Variants in KIAA1217 observed in about 807,000 individuals in gnomAD.
KIAA1217 encodes KIAA1217, also known as sickle tail protein homolog.
A neutral mutation model predicts 163.9 loss-of-function variants in KIAA1217; 88 were observed. The ratio of observed to expected loss-of-function variants is 0.54; its 90% CI spans 0.45 to 0.64. The LOEUF (loss-of-function observed/expected upper bound fraction) is 0.64, where lower values mean the gene tolerates loss of function less well. KIAA1217 is among the 30% of genes least tolerant of loss of function. The pLI is 0.00. For synonymous variants in KIAA1217, 903 were observed against 923.1 expected (o/e 0.98, Z 0.39); for missense variants, 2,372 against 2,475.0 (o/e 0.96, Z 0.88).
At chr10:24,249,047 C>T (rs984349086) in intron 2 of KIAA1217, among the ~76,000 whole-genome samples, 3 of 152,322 alleles carry the variant, frequency 2.0e-5, no homozygotes, top group Non-Finnish European at 2.9e-5. Context: ...ATTAAAACCA[C>T]GAGTGTAGTG....
At chr10:23,988,931 A>C (rs1376856265) in intron 1 of KIAA1217, among the ~76,000 whole-genome samples, 4 of 152,252 alleles carry the variant, frequency 2.6e-5, no homozygotes, top group African/African-American at 9.6e-5. Flanking sequence ...TTTACACAGA[A>C]ATTCTTGGCA....
chr10:24,266,172 G>A (rs111380453), intron 2 of KIAA1217, among the ~76,000 whole-genome samples: 1 of 151,222 alleles, frequency 6.6e-6, no homozygotes. Flanking sequence ...TCTGCCTCCC[G>A]GGTTCAAGCA....
At position 24,097,041 on chromosome 10, in the gene KIAA1217, T is replaced by C. The variant is rs371455701; in HGVS notation, c.-171+89667T>C. Among the ~76,000 whole-genome samples the C allele has an allele frequency of 1.3e-4, 20 of 152,136 alleles. No homozygotes were observed. The East Asian group carries it at 1.7e-3, about 13-fold the overall frequency. The stretch of plus-strand genomic sequence containing the variant: ...AGGTAACGGTGGGCCATTGAAGGCA[T>C]TCGTGCATGGAAAGACACTGGGGAT... On this transcript the variant is annotated intron_variant, in intron 2 of 18. Transcript: ENST00000376462.
chr10:24,104,024 A>G (rs1210756951), intron 2 of KIAA1217, among the ~76,000 whole-genome samples: 4 of 152,124 alleles, frequency 2.6e-5, no homozygotes, highest in African/African-American at 9.7e-5. Flanking sequence ...TGTAGTTCCC[A>G]TAATCCCCAC....
At chr10:24,169,196 A>C (rs539609133) in intron 2 of KIAA1217, among the ~76,000 whole-genome samples, 4 of 152,384 alleles carry the variant, frequency 2.6e-5, no homozygotes, top group African/African-American at 9.6e-5. Flanking sequence ...TGCCTGGAGC[A>C]TTAAAGCTCA....
intron 6 of KIAA1217, among the ~76,000 whole-genome samples, chr10:24,484,644 C>G (rs117662113): frequency 3.3e-5 from 5 of 152,010 alleles, no homozygotes; most frequent in Non-Finnish European, 7.4e-5. Context: ...ACTGCAGCCT[C>G]GAACTCCTGG....
chr10:23,791,026 T>C (rs1835921968), intron 1 of KIAA1217, among the ~76,000 whole-genome samples: 1 of 152,094 alleles, frequency 6.6e-6, no homozygotes, highest in African/African-American at 2.4e-5. Context: ...TGAATAACCA[T>C]ACCAGGCCAA....
At chr10:23,978,342 T>A (rs1474574140) in intron 1 of KIAA1217, among the ~76,000 whole-genome samples, 1 of 152,134 alleles carries the variant, frequency 6.6e-6, no homozygotes, top group Non-Finnish European at 1.5e-5. Flanking sequence ...AGTTCCCAGG[T>A]TTATTGGTGA....
chr10:24,128,378 T>A (rs1293591587), intron 2 of KIAA1217, among the ~76,000 whole-genome samples: 1 of 152,184 alleles, frequency 6.6e-6, no homozygotes. Context: ...GTAACTTGCT[T>A]TAAAAATAAT....
chr10:23,838,708 A>T (rs979914789), intron 1 of KIAA1217, among the ~76,000 whole-genome samples: 2 of 151,966 alleles, frequency 1.3e-5, no homozygotes, highest in African/African-American at 4.8e-5. Flanking sequence ...TGATCCACCC[A>T]CCTGAGCCTC....
intron 2 of KIAA1217, among the ~76,000 whole-genome samples, chr10:24,278,714 A>G (rs544949869): frequency 2.6e-5 from 4 of 152,352 alleles, no homozygotes; most frequent in Admixed American, 2.0e-4. Context: ...TGTTACCACT[A>G]GCGTGCTCTA....
At chr10:23,986,064 C>T (rs1311004525) in intron 1 of KIAA1217, among the ~76,000 whole-genome samples, 1 of 152,098 alleles carries the variant, frequency 6.6e-6, no homozygotes, top group East Asian at 1.9e-4. Flanking sequence ...TATTGTTATC[C>T]CCAAAGCCTT....
chr10:24,161,008 G>T (rs2065093553), intron 2 of KIAA1217, among the ~76,000 whole-genome samples: 1 of 152,146 alleles, frequency 6.6e-6, no homozygotes, highest in Non-Finnish European at 1.5e-5. Context: ...GTGAGTGCTT[G>T]ACTTTTAGTT....
At chr10:24,145,104 A>G (rs2131842818) in intron 2 of KIAA1217, among the ~76,000 whole-genome samples, 1 of 152,372 alleles carries the variant, frequency 6.6e-6, no homozygotes, top group Non-Finnish European at 1.5e-5. Context: ...TCAGGGTTGC[A>G]TAGAGAGAAG....
chr10:23,732,937 A>T (rs904098998), intron 1 of KIAA1217, among the ~76,000 whole-genome samples: 2 of 152,172 alleles, frequency 1.3e-5, no homozygotes, highest in African/African-American at 4.8e-5. Flanking sequence ...TTGGAGAGAT[A>T]CATGATGATT....
chr10:23,739,470 G>A (rs1186836284), intron 1 of KIAA1217, among the ~76,000 whole-genome samples: 1 of 152,142 alleles, frequency 6.6e-6, no homozygotes, highest in Non-Finnish European at 1.5e-5. Flanking sequence ...CCTCTAGTGG[G>A]TGCATGTCAG....
intron 2 of KIAA1217, among the ~76,000 whole-genome samples, chr10:24,373,322 A>C: frequency 6.6e-6 from 1 of 151,370 alleles, no homozygotes; most frequent in African/African-American, 2.4e-5. Context: ...GAAGTCATCC[A>C]CTCCCCTCTT....
intron 1 of KIAA1217, among the ~76,000 whole-genome samples, chr10:23,903,130 TG>T (rs923122381): frequency 6.6e-6 from 1 of 152,102 alleles, no homozygotes; most frequent in African/African-American, 2.4e-5. Context: ...ATACTGGAAA[TG>T]GGAATGAAGA....
intron 2 of KIAA1217, among the ~76,000 whole-genome samples, chr10:24,224,891 G>A (rs557186384): frequency 0.015 from 2,172 of 144,326 alleles, 23 homozygotes; most frequent in Non-Finnish European, 0.024. Context: ...CAGTGGCGCA[G>A]TCTCGGCTTA....
Sources: allele counts gnomAD v4.1 joint callset (sites outside exome capture counted in the v4.1 genomes callset), GRCh38; gene constraint gnomAD v4.1.1; transcripts MANE v1.5; gene names NCBI Gene and HGNC (gene_info 2026-07-23, HGNC 2026-07-21).